The following CDK14 variants were observed in gnomAD, a reference collection of about 807,000 sequenced individuals.
CDK14 encodes the protein cyclin-dependent kinase 14.
CDK14 carries 34 observed loss-of-function variants against 60.7 expected under a neutral mutation model. The ratio of observed to expected loss-of-function variants is 0.56; its 90% CI spans 0.43 to 0.75. The LOEUF (loss-of-function observed/expected upper bound fraction) is 0.75, where lower values mean the gene tolerates loss of function less well. Ranked by LOEUF, CDK14 falls within the 30% of genes least tolerant of loss-of-function variation. CDK14 has a pLI of 0.00. For missense variants in CDK14, 482 were observed against 564.1 expected (o/e 0.85, Z 1.47); for synonymous variants, 197 against 203.7 (o/e 0.97, Z 0.28).
intron 1 of CDK14, among the ~76,000 whole-genome samples, chr7:90,599,772 G>A (rs1799274998): frequency 6.6e-6 from 1 of 152,114 alleles, no homozygotes; most frequent in South Asian, 2.1e-4. Flanking sequence ...TGCTGCTTTA[G>A]TATTATCCAA....
At chr7:90,813,919 C>G (rs11771453) in intron 5 of CDK14, among the ~76,000 whole-genome samples, 27,855 of 152,056 alleles carry the variant, frequency 0.18, 2,671 homozygotes, top group South Asian at 0.23. Context: ...GTAAATTATA[C>G]CTCACCTACA....
chr7:90,968,942 G>A (rs1794838783), intron 9 of CDK14, among the ~76,000 whole-genome samples: 1 of 152,138 alleles, frequency 6.6e-6, no homozygotes. Context: ...ATGTCGAGAG[G>A]TGCAAGGTGA....
Position 90,625,232 on chromosome 7 carries a change from C to T in CDK14, c.123+20983C>T, listed in dbSNP as rs147531824. 2.6e-5 allele frequency among the ~76,000 whole-genome samples: 4 copies of T among 152,218 alleles called. No individual in the cohort carries two copies. In the East Asian group the frequency reaches 7.7e-4, roughly 29 times the overall value. ...ACACATGCCCATTGTCCTAGCTACTCAGAAGGCTGAGGCAGTGGGATGGCT... is the reference window on the plus strand; with the variant it reads ...ACACATGCCCATTGTCCTAGCTACTTAGAAGGCTGAGGCAGTGGGATGGCT... On this transcript the variant is annotated intron_variant, in intron 2 of 14. Transcript: ENST00000380050.
chr7:90,725,344 T>C (rs925250222), intron 2 of CDK14, among the ~76,000 whole-genome samples: 1 of 152,178 alleles, frequency 6.6e-6, no homozygotes, highest in African/African-American at 2.4e-5. Flanking sequence ...CTCACAAATA[T>C]CTATATCTAT....
intron 14 of CDK14, among the ~76,000 whole-genome samples, chr7:91,125,102 T>C (rs1040504011): frequency 6.6e-6 from 1 of 152,130 alleles, no homozygotes; most frequent in Non-Finnish European, 1.5e-5. Context: ...CAGAGGACAA[T>C]GTCTAAATGA....
intron 8 of CDK14, among the ~76,000 whole-genome samples, chr7:90,922,130 A>G (rs1332098547): frequency 1.3e-5 from 2 of 152,234 alleles, no homozygotes; most frequent in African/African-American, 2.4e-5. Flanking sequence ...TAAATCATTT[A>G]TGCACAAAAT....
chr7:90,973,825 G>A (rs890707791), intron 9 of CDK14, among the ~76,000 whole-genome samples: 4 of 152,064 alleles, frequency 2.6e-5, no homozygotes, highest in Non-Finnish European at 2.9e-5. Flanking sequence ...ACAAGGCAAG[G>A]GCAAAATTAG....
intron 2 of CDK14, among the ~76,000 whole-genome samples, chr7:90,642,006 C>T (rs1040542229): frequency 1.4e-4 from 21 of 152,110 alleles, no homozygotes; most frequent in Non-Finnish European, 2.6e-4. Context: ...ATGAGAACAG[C>T]AAGGGAAAAA....
chr7:91,151,941 T>C (rs1353602280), intron 14 of CDK14, among the ~76,000 whole-genome samples: 1 of 152,238 alleles, frequency 6.6e-6, no homozygotes, highest in Non-Finnish European at 1.5e-5. Flanking sequence ...GAACAGTCCT[T>C]GCAGTATGCA....
chr7:91,189,830 G>A (rs114816398), intron 14 of CDK14, among the ~76,000 whole-genome samples: 1,869 of 152,276 alleles, frequency 0.012, 29 homozygotes, highest in South Asian at 0.023. Context: ...TAGCGTAAGA[G>A]TTAACTGCCA....
intron 2 of CDK14, among the ~76,000 whole-genome samples, chr7:90,670,616 A>G (rs1392613099): frequency 6.6e-6 from 1 of 151,994 alleles, no homozygotes. Context: ...AAGTGGGAGC[A>G]GGAGCAGACA....
intron 2 of CDK14, among the ~76,000 whole-genome samples, chr7:90,688,402 A>C (rs1382312909): frequency 6.6e-6 from 1 of 152,176 alleles, no homozygotes; most frequent in East Asian, 1.9e-4. Context: ...TTGATGATTT[A>C]ATCTTTTTCT....
chr7:90,860,240 C>G (rs931662376), intron 5 of CDK14, among the ~76,000 whole-genome samples: 8 of 151,886 alleles, frequency 5.3e-5, no homozygotes, highest in Non-Finnish European at 8.8e-5. Context: ...ACATTTTCCC[C>G]TGTCTTTCAC....
At chr7:91,123,848 T>C (rs563659374) in intron 14 of CDK14, among the ~76,000 whole-genome samples, 10 of 152,324 alleles carry the variant, frequency 6.6e-5, no homozygotes, top group Non-Finnish European at 1.5e-4. Flanking sequence ...CAAAGCAGAA[T>C]GAAAATAAAG....
At chr7:91,112,786 A>G in intron 13 of CDK14, 105 bp downstream of exon 13, 1 of 1,210,592 alleles carries the variant, frequency 8.3e-7, no homozygotes, top group Admixed American at 1.9e-5. Flanking sequence ...GTGTGTCCAC[A>G]AACATAAGAT....
chr7:90,826,194 C>T (rs1453764252), intron 5 of CDK14, among the ~76,000 whole-genome samples: 1 of 152,084 alleles, frequency 6.6e-6, no homozygotes, highest in Non-Finnish European at 1.5e-5. Flanking sequence ...TTGAATGAAG[C>T]ATTAGTTTCT....
chr7:90,772,360 C>T (rs1019055711), intron 4 of CDK14, among the ~76,000 whole-genome samples: 1 of 152,160 alleles, frequency 6.6e-6, no homozygotes, highest in Non-Finnish European at 1.5e-5. Context: ...ATTTTCCTTA[C>T]AAGGAAGGTG....
At chr7:90,900,809 A>G (rs1792483816) in intron 7 of CDK14, among the ~76,000 whole-genome samples, 1 of 152,202 alleles carries the variant, frequency 6.6e-6, no homozygotes, top group Non-Finnish European at 1.5e-5. Context: ...CAGTCATGAC[A>G]TCACTGGGCT....
intron 6 of CDK14, among the ~76,000 whole-genome samples, chr7:90,885,291 AAAG>A (rs1050320514): frequency 6.6e-6 from 1 of 152,100 alleles, no homozygotes; most frequent in Non-Finnish European, 1.5e-5. Context: ...AACACTTCTC[AAAG>A]AAGACATTTA....
Sources: gnomAD v4.1 joint callset for allele counts (sites outside exome capture counted in the v4.1 genomes callset) on GRCh38, gnomAD v4.1.1 for gene constraint, MANE v1.5 for transcripts, NCBI Gene and HGNC (gene_info 2026-07-23, HGNC 2026-07-21) for gene names.